The following ACTN1 variants were observed in gnomAD, a reference collection of about 807,000 sequenced individuals.
ACTN1 encodes actinin alpha 1.
Under a neutral mutation model 119.6 loss-of-function variants are expected in ACTN1, and 30 were observed. The observed-to-expected ratio is 0.25, with a 90% confidence interval of 0.19 to 0.34. The LOEUF is 0.34. Among genes scored for constraint, ACTN1 ranks in the 10% least tolerant of loss-of-function variants. The pLI is 1.00. For missense variants in ACTN1, 764 were observed against 1,223.4 expected (o/e 0.62, Z 5.60); for synonymous variants, 429 against 472.6 (o/e 0.91, Z 1.20).
chr14:68,918,861 T>C (rs2034485663), intron 3 of ACTN1, among the ~76,000 whole-genome samples: 1 of 152,206 alleles, frequency 6.6e-6, no homozygotes, highest in Admixed American at 6.5e-5. Context: ...ATCTGCCACA[T>C]AGAAGCAGTC....
chr14:68,912,052 G>A, intron 4 of ACTN1, 104 bp downstream of exon 4: 1 of 962,628 alleles, frequency 1.0e-6, no homozygotes, highest in South Asian at 1.4e-5. Flanking sequence ...CCAGGACATG[G>A]CCCCTGATCA....
chr14:68,884,077 C>G, intron 14 of ACTN1, 91 bp downstream of exon 14: 1 of 1,341,614 alleles, frequency 7.5e-7, no homozygotes, highest in Non-Finnish European at 1.0e-6. Context: ...GGATGCTCTT[C>G]CTCAGGGGGC....
At position 68,979,049 on chromosome 14, in the gene ACTN1, T is replaced by C; in HGVS notation, c.8A>G (p.His3Arg). 6.3e-7 allele frequency: 1 copy of C among 1,585,476 alleles called. No individual in the cohort carries two copies. Among genetic ancestry groups the C allele is most frequent in the South Asian group, 1.1e-5 (1 of 88,710 alleles). Residue 3 changes from histidine to arginine, a missense_variant, in exon 1 of 22, where the codon CAT becomes CGT. His to Arg is a conservative substitution (Grantham distance 29). This residue lies in a region of ACTN1 where 64 missense variants were observed against 80.0 expected (regional missense o/e 0.80). Coordinates refer to ENST00000394419, the MANE Select transcript of ACTN1 (RefSeq NM_001130004.2). ...ATCGTTGGTTTGCTGAGAATCATAA[T>C]GGTCCATGATGGTGCGCGCGTGCTA... MDHYDSQQTNDYM... is the reference protein window; with the variant it reads MDRYDSQQTNDYM...
At chr14:68,968,729 C>A (rs546001372) in intron 1 of ACTN1, among the ~76,000 whole-genome samples, 1 of 152,218 alleles carries the variant, frequency 6.6e-6, no homozygotes, top group Non-Finnish European at 1.5e-5. Context: ...CCACCTGAAC[C>A]TTTCAGGTCT....
chr14:68,932,052 C>T (rs2035244530), intron 1 of ACTN1, among the ~76,000 whole-genome samples: 1 of 151,614 alleles, frequency 6.6e-6, no homozygotes, highest in Non-Finnish European at 1.5e-5. Context: ...ACTACCATGC[C>T]CAGTGTGATG....
chr14:68,937,424 T>A (rs1179073390), intron 1 of ACTN1, among the ~76,000 whole-genome samples: 1 of 152,064 alleles, frequency 6.6e-6, no homozygotes, highest in Non-Finnish European at 1.5e-5. Context: ...GAAAAAATTA[T>A]CCCATCTATT....
At chr14:68,932,399 G>A (rs1473510705) in intron 1 of ACTN1, among the ~76,000 whole-genome samples, 3 of 151,356 alleles carry the variant, frequency 2.0e-5, no homozygotes, top group African/African-American at 7.3e-5. Flanking sequence ...ATGGCCTACT[G>A]TGGGAGCTCG....
At position 68,902,623 on chromosome 14, in the gene ACTN1, G is replaced by C. The variant is rs538437580; in HGVS notation, c.677-61C>G. 4.1e-5 allele frequency: 58 copies of C among 1,430,778 alleles called. No homozygotes were observed. In the South Asian group the frequency reaches 6.8e-4, roughly 17 times the overall value. 88.6% of individuals were successfully genotyped at this position (1,430,778 alleles called of 1,614,324 possible). Reference sequence around the variant, plus strand: ...TCCAAGAACACCATACACCCCCGACGTGAGGCAGAAAGAAGCTCGCAGCAC... The same window carrying C: ...TCCAAGAACACCATACACCCCCGACCTGAGGCAGAAAGAAGCTCGCAGCAC... On this transcript the variant is annotated intron_variant, in intron 7 of 21. Coordinates refer to ENST00000394419, the MANE Select transcript of ACTN1 (RefSeq NM_001130004.2).
chr14:68,902,151 C>T (rs2033384094), intron 8 of ACTN1, among the ~76,000 whole-genome samples: 1 of 152,170 alleles, frequency 6.6e-6, no homozygotes, highest in Admixed American at 6.5e-5. Flanking sequence ...AGGGCTGCTC[C>T]TGTTCACCTT....
Position 68,879,075 on chromosome 14 carries a change from G to A in ACTN1, c.2281-6C>T. The A allele has an allele frequency of 1.2e-6, 2 of 1,603,548 alleles. No individual in the cohort carries two copies. Among genetic ancestry groups the A allele is most frequent in the Non-Finnish European group, 1.7e-6 (2 of 1,173,758 alleles). On this transcript the variant is annotated splice_polypyrimidine_tract_variant and splice_region_variant and intron_variant, in intron 18 of 21. Transcript: ENST00000394419. This position sits in a 1 kb window ranked among gnomAD's most constrained non-coding sequence, Gnocchi z 4.9. Reference sequence around the variant, plus strand: ...CCCAGTGTGCCGGAGTGATCCTGGGGCCGCGGTGCGCCAGGCAGCGAGCCA... The same window carrying A: ...CCCAGTGTGCCGGAGTGATCCTGGGACCGCGGTGCGCCAGGCAGCGAGCCA...
chr14:68,893,533 G>T, intron 9 of ACTN1, 122 bp downstream of exon 9: 1 of 938,878 alleles, frequency 1.1e-6, no homozygotes, highest in Non-Finnish European at 1.6e-6. Flanking sequence ...CCCTGGACTA[G>T]CAGTATTGGG....
chr14:68,882,177 C>T lies in ACTN1; in HGVS notation c.1953+281G>A, dbSNP rs1328742164. On this transcript the variant is annotated intron_variant, in intron 16 of 21. Transcript: ENST00000394419. This position sits in a 1 kb window ranked among gnomAD's most constrained non-coding sequence, Gnocchi z 4.5. ...TCTCGAACTCCTGACCTCAGGTGAT[C>T]CACCTGCCTCGGCCTCCCAAAGTGC... Among the ~76,000 whole-genome samples the T allele has an allele frequency of 6.6e-6, 1 of 152,050 alleles. No individual in the cohort carries two copies. The highest frequency in any genetic ancestry group is 1.5e-5 in the Non-Finnish European group (1 of 68,020).
intron 1 of ACTN1, among the ~76,000 whole-genome samples, chr14:68,953,829 T>C (rs1352471295): frequency 6.7e-6 from 1 of 148,906 alleles, no homozygotes; most frequent in Non-Finnish European, 1.5e-5. Flanking sequence ...GGAGTTGCAG[T>C]GAGCCAAGAT....
At position 68,909,804 on chromosome 14, in the gene ACTN1, A is replaced by G. The variant is rs2033892801; in HGVS notation, c.515+151T>C. ...GAGAGAGACGGGGGGATTCAGAGCG[A>G]TGGCGACATCCCCTTCCCAAGGAAA... is the stretch of plus-strand genomic sequence containing the variant. On this transcript the variant is annotated intron_variant, in intron 5 of 21. Coordinates refer to ENST00000394419, the MANE Select transcript of ACTN1 (RefSeq NM_001130004.2). The surrounding 1 kb of genome is among the most constrained non-coding windows in gnomAD (Gnocchi z 4.1). The G allele has an allele frequency of 9.2e-6, 6 of 653,586 alleles. No homozygotes were observed. The highest frequency in any genetic ancestry group is 1.6e-5 in the Non-Finnish European group (6 of 372,600). The allele number at this position is 653,586 out of a possible 1,614,324, so 40.5% of individuals were successfully genotyped here. A position where few individuals can be genotyped will look rare whatever the true frequency, so the allele number is the denominator to read the frequency against.
At chr14:68,906,073 G>C (rs552796697) in intron 6 of ACTN1, among the ~76,000 whole-genome samples, 21 of 151,622 alleles carry the variant, frequency 1.4e-4, no homozygotes, top group Admixed American at 6.5e-4. Context: ...CAGAGGCCGG[G>C]GGGGCAGGAA....
chr14:68,884,531 G>C (rs988391562), intron 13 of ACTN1, among the ~76,000 whole-genome samples: 2 of 152,206 alleles, frequency 1.3e-5, no homozygotes, highest in Admixed American at 6.5e-5. Flanking sequence ...AAATGGCTGG[G>C]GTTGGGCTGT....
rs375419780 is a variant in ACTN1 at position 68,901,222 on chromosome 14, T to G, written c.762+1255A>C. 6.3e-3 allele frequency among the ~76,000 whole-genome samples: 929 copies of G among 147,510 alleles called. 6 individuals carry two copies. Among genetic ancestry groups the G allele is most frequent in the Non-Finnish European group, 0.011 (719 of 66,570 alleles). ...TTGTTTTATGGTTTTTTTTTGTTTTTTTTTTGTTTTGTTTTGTTTTTGTTT... is the reference window on the plus strand; with the variant it reads ...TTGTTTTATGGTTTTTTTTTGTTTTGTTTTTGTTTTGTTTTGTTTTTGTTT... On this transcript the variant is annotated intron_variant, in intron 8 of 21. Coordinates refer to ENST00000394419, the MANE Select transcript of ACTN1 (RefSeq NM_001130004.2).
At chr14:68,950,071 G>A (rs552501201) in intron 1 of ACTN1, among the ~76,000 whole-genome samples, 23 of 152,152 alleles carry the variant, frequency 1.5e-4, no homozygotes, top group African/African-American at 4.1e-4. Context: ...TGAGGTGGGC[G>A]GATCACAAGG....
Position 68,878,529 on chromosome 14 carries a change from G to A in ACTN1, c.2362-6C>T. 1 of 1,609,222 alleles carries A rather than the reference G, an allele frequency of 6.2e-7. No homozygotes were observed. Among genetic ancestry groups the A allele is most frequent in the East Asian group, 2.2e-5 (1 of 44,816 alleles). ...TCCATCATGCCTGTCTTCTTCTGTG[G>A]GGGGCAGTGGTACCAAGACACAAGG... On this transcript the variant is annotated splice_polypyrimidine_tract_variant and splice_region_variant and intron_variant, in intron 19 of 21. Transcript: ENST00000394419. This position sits in a 1 kb window ranked among gnomAD's most constrained non-coding sequence, Gnocchi z 4.4.
Sources: gnomAD v4.1 joint callset for allele counts (sites outside exome capture counted in the v4.1 genomes callset) on GRCh38, gnomAD v4.1.1 for gene constraint, gnomAD v4.1.1 regional missense constraint, Gnocchi (gnomAD v3.1) non-coding constraint, MANE v1.5 for transcripts, NCBI Gene and HGNC (gene_info 2026-07-23, HGNC 2026-07-21) for gene names.